The following ZNF385D variants were observed in gnomAD, a reference collection of about 807,000 sequenced individuals.
The protein encoded by ZNF385D is zinc finger protein 659.
Under a neutral mutation model 35.8 loss-of-function variants are expected in ZNF385D, and 15 were observed. The observed-to-expected ratio is 0.42, with a 90% CI of 0.28 to 0.64. The LOEUF (loss-of-function observed/expected upper bound fraction) is 0.64, where lower values mean the gene tolerates loss of function less well. ZNF385D is among the 30% of genes least tolerant of loss of function. ZNF385D has a pLI of 0.23. For synonymous variants in ZNF385D, 212 were observed against 186.8 expected, an observed-to-expected ratio of 1.13 and a Z score of -1.10; for missense variants, 474 against 494.6, an observed-to-expected ratio of 0.96 and a Z score of 0.39.
intron 1 of ZNF385D, among the ~76,000 whole-genome samples, chr3:21,735,816 G>A (rs2069216064): frequency 1.3e-5 from 2 of 152,326 alleles, no homozygotes; most frequent in Admixed American, 1.3e-4. Context: ...CCTCCTCACA[G>A]TCTTTCTTGT....
At chr3:22,080,912 G>A (rs1401362815) in intron 3 of ZNF385D, among the ~76,000 whole-genome samples, 8 of 152,128 alleles carry the variant, frequency 5.3e-5, no homozygotes, top group Non-Finnish European at 1.0e-4. Flanking sequence ...CACTGACCCT[G>A]CTGCTTCCTC....
intron 5 of ZNF385D, among the ~76,000 whole-genome samples, chr3:21,432,546 CA>C: frequency 6.6e-6 from 1 of 151,760 alleles, no homozygotes; most frequent in South Asian, 2.1e-4. Context: ...GGAAAACCAT[CA>C]AAATTAGCTA....
chr3:21,737,587 G>A (rs898128696), intron 1 of ZNF385D, among the ~76,000 whole-genome samples: 4 of 152,088 alleles, frequency 2.6e-5, no homozygotes, highest in African/African-American at 9.7e-5. Flanking sequence ...TGCACCTATG[G>A]TGGTTGGTGG....
intron 2 of ZNF385D, among the ~76,000 whole-genome samples, chr3:22,324,474 A>G (rs1215601790): frequency 6.6e-6 from 1 of 152,162 alleles, no homozygotes; most frequent in African/African-American, 2.4e-5. Context: ...GTAGCAACAC[A>G]AAAGTATAAA....
intron 3 of ZNF385D, among the ~76,000 whole-genome samples, chr3:22,043,959 G>C (rs1376097435): frequency 6.6e-6 from 1 of 152,072 alleles, no homozygotes; most frequent in Non-Finnish European, 1.5e-5. Flanking sequence ...GTCCAGGCTG[G>C]AGTGGGTTGA....
At chr3:21,488,594 G>T (rs980460217) in intron 4 of ZNF385D, among the ~76,000 whole-genome samples, 2 of 151,936 alleles carry the variant, frequency 1.3e-5, no homozygotes, top group Admixed American at 6.6e-5. Context: ...TCTTAATACT[G>T]TTCTAGTGAA....
chr3:21,847,472 C>T (rs926988604), intron 3 of ZNF385D, among the ~76,000 whole-genome samples: 3 of 152,002 alleles, frequency 2.0e-5, no homozygotes, highest in Non-Finnish European at 4.4e-5. Flanking sequence ...GCAAAATATT[C>T]TAATGATCCA....
intron 2 of ZNF385D, among the ~76,000 whole-genome samples, chr3:21,604,922 T>C (rs1287582435): frequency 6.6e-6 from 1 of 152,208 alleles, no homozygotes; most frequent in Non-Finnish European, 1.5e-5. Context: ...AATGAAATAT[T>C]TGTGGACAAA....
chr3:21,921,121 G>A (rs1407911338), intron 3 of ZNF385D, among the ~76,000 whole-genome samples: 1 of 150,958 alleles, frequency 6.6e-6, no homozygotes, highest in African/African-American at 2.4e-5. Flanking sequence ...TACTCGGGAG[G>A]CTGAGGCAGG....
chr3:21,841,258 G>C (rs1348138377), intron 3 of ZNF385D, among the ~76,000 whole-genome samples: 1 of 151,944 alleles, frequency 6.6e-6, no homozygotes, highest in Non-Finnish European at 1.5e-5. Flanking sequence ...ACCAAAAATA[G>C]ATGCACATTA....
intron 3 of ZNF385D, among the ~76,000 whole-genome samples, chr3:21,928,115 T>A: frequency 6.6e-6 from 1 of 151,872 alleles, no homozygotes. Flanking sequence ...TCCCAGCTAG[T>A]GGGGAAGCTA....
At chr3:22,114,900 C>G (rs1167567803) in intron 3 of ZNF385D, among the ~76,000 whole-genome samples, 1 of 152,012 alleles carries the variant, frequency 6.6e-6, no homozygotes, top group Admixed American at 6.6e-5. Context: ...CAGCCCTTTG[C>G]CCTTCAGCCT....
At chr3:21,701,515 C>G (rs938349120) in intron 1 of ZNF385D, among the ~76,000 whole-genome samples, 9 of 152,008 alleles carry the variant, frequency 5.9e-5, no homozygotes, top group African/African-American at 1.9e-4. Context: ...CATATCATTC[C>G]AAACCTGGCC....
At chr3:21,783,206 C>T (rs774286993) in intron 3 of ZNF385D, among the ~76,000 whole-genome samples, 3 of 152,076 alleles carry the variant, frequency 2.0e-5, no homozygotes, top group Non-Finnish European at 4.4e-5. Context: ...TCTGAAACAA[C>T]TTGAAAAATG....
At chr3:21,644,793 C>A (rs1039142247) in intron 2 of ZNF385D, among the ~76,000 whole-genome samples, 5 of 152,124 alleles carry the variant, frequency 3.3e-5, no homozygotes, top group Non-Finnish European at 7.4e-5. Flanking sequence ...CTACATCACA[C>A]AGGAATCACA....
intron 2 of ZNF385D, among the ~76,000 whole-genome samples, chr3:22,177,361 A>G (rs1186527738): frequency 2.6e-5 from 4 of 152,204 alleles, no homozygotes; most frequent in Non-Finnish European, 5.9e-5. Flanking sequence ...CCTGAGTTAG[A>G]GAATGATTGT....
chr3:22,208,717 TA>T (rs35531397), intron 2 of ZNF385D, among the ~76,000 whole-genome samples: 91,204 of 150,602 alleles, frequency 0.61, 29,637 homozygotes, highest in African/African-American at 0.84. Context: ...AAGTAAAAAT[TA>T]AAAAAAAAAT....
chr3:21,710,695 T>C (rs1179063568), intron 1 of ZNF385D, among the ~76,000 whole-genome samples: 1 of 152,202 alleles, frequency 6.6e-6, no homozygotes, highest in East Asian at 1.9e-4. Context: ...TTCTGCAGAC[T>C]TTTAGTGTTG....
At chr3:22,137,138 C>A (rs190359816) in intron 3 of ZNF385D, among the ~76,000 whole-genome samples, 1 of 152,086 alleles carries the variant, frequency 6.6e-6, no homozygotes, top group Non-Finnish European at 1.5e-5. Flanking sequence ...TATATAAGAT[C>A]TTTCTGTGTT....
Sources: gnomAD v4.1 joint callset for allele counts (sites outside exome capture counted in the v4.1 genomes callset) on GRCh38, gnomAD v4.1.1 for gene constraint, MANE v1.5 for transcripts, NCBI Gene and HGNC (gene_info 2026-07-23, HGNC 2026-07-21) for gene names.